Variants in EFNA5 observed in about 807,000 individuals in gnomAD.
The protein encoded by EFNA5 is ephrin A5.
Under a neutral mutation model 22.9 loss-of-function variants are expected in EFNA5, and 5 were observed. The observed-to-expected ratio is 0.22, with a 90% confidence interval of 0.11 to 0.46. EFNA5 has a LOEUF of 0.46. Among genes scored for constraint, EFNA5 ranks in the 20% least tolerant of loss-of-function variants. The pLI is 0.99. For missense variants in EFNA5, 237 were observed against 293.3 expected, an observed-to-expected ratio of 0.81 and a Z score of 1.40; for synonymous variants, 113 against 112.2, an observed-to-expected ratio of 1.01 and a Z score of -0.04.
At chr5:107,569,559 T>TTATTTATATATATA (rs1554067018) in intron 1 of EFNA5, among the ~76,000 whole-genome samples, 2 of 42,530 alleles carry the variant, frequency 4.7e-5, no homozygotes, top group Non-Finnish European at 8.7e-5. Context: ...ATATATATAT[T>TTATTTATATATATA]TATATATATA....
At position 107,453,281 on chromosome 5, in the gene EFNA5, C is replaced by T. The variant is rs568918621; in HGVS notation, c.126-25772G>A. ...AAATCATTGCTTTTTTATTTAAAAA[C>T]TTCCTATAGTTGGTAAAGTCAGACA... On this transcript the variant is annotated intron_variant, in intron 1 of 4. Transcript: ENST00000333274. 1.4e-4 allele frequency among the ~76,000 whole-genome samples: 21 copies of T among 152,090 alleles called. No individual in the cohort carries two copies. The East Asian group carries it at 4.1e-3, about 29-fold the overall frequency.
At chr5:107,554,431 C>T (rs1748364706) in intron 1 of EFNA5, among the ~76,000 whole-genome samples, 1 of 152,150 alleles carries the variant, frequency 6.6e-6, no homozygotes. Flanking sequence ...GCTGGTGATT[C>T]TTCTATGACA....
intron 1 of EFNA5, among the ~76,000 whole-genome samples, chr5:107,478,914 T>C (rs556562553): frequency 6.6e-4 from 100 of 152,136 alleles, no homozygotes; most frequent in Non-Finnish European, 1.1e-3. Context: ...AAACATACAA[T>C]TAAGCACTGC....
At chr5:107,638,097 T>C (rs1049108342) in intron 1 of EFNA5, among the ~76,000 whole-genome samples, 2 of 151,914 alleles carry the variant, frequency 1.3e-5, no homozygotes, top group Admixed American at 6.6e-5. Flanking sequence ...TCATGATCCG[T>C]CCACCTTGGC....
intron 1 of EFNA5, among the ~76,000 whole-genome samples, chr5:107,616,834 A>G (rs901000493): frequency 1.3e-5 from 2 of 152,262 alleles, no homozygotes; most frequent in Non-Finnish European, 1.5e-5. Context: ...CAAAAATCAC[A>G]TTTTTATAAA....
chr5:107,453,657 T>A (rs1308892807), intron 1 of EFNA5, among the ~76,000 whole-genome samples: 1 of 152,168 alleles, frequency 6.6e-6, no homozygotes, highest in Non-Finnish European at 1.5e-5. Context: ...CTTTTGAACA[T>A]TTCTATACCT....
intron 1 of EFNA5, among the ~76,000 whole-genome samples, chr5:107,485,240 C>T (rs915006732): frequency 6.6e-6 from 1 of 152,008 alleles, no homozygotes; most frequent in African/African-American, 2.4e-5. Context: ...GTAGCAGTCC[C>T]AAGGTAGAAA....
At chr5:107,633,299 G>A (rs1244035282) in intron 1 of EFNA5, among the ~76,000 whole-genome samples, 1 of 152,202 alleles carries the variant, frequency 6.6e-6, no homozygotes, top group Non-Finnish European at 1.5e-5. Flanking sequence ...GAGCCAGGAT[G>A]AGACATGCAA....
At chr5:107,597,258 T>C (rs929779627) in intron 1 of EFNA5, among the ~76,000 whole-genome samples, 3 of 152,200 alleles carry the variant, frequency 2.0e-5, no homozygotes, top group South Asian at 2.1e-4. Context: ...TATATCTACA[T>C]ACCATAAGGT....
chr5:107,379,507 T>C lies in EFNA5; in HGVS notation c.*1748A>G, dbSNP rs1237421575. The C allele has an allele frequency of 1.4e-5, 2 of 146,952 alleles. No homozygotes were observed. The highest frequency in any genetic ancestry group is 3.0e-5 in the Non-Finnish European group (2 of 67,480). 9.1% of individuals were successfully genotyped at this position (146,952 alleles called of 1,614,324 possible). ...ACATGATCATCACATTTATTTCTTATATTGAAAGGCATGGTTTCTGTTGAC... is the reference window on the plus strand; with the variant it reads ...ACATGATCATCACATTTATTTCTTACATTGAAAGGCATGGTTTCTGTTGAC... On this transcript the variant is annotated 3_prime_UTR_variant, in exon 5 of 5. Transcript: ENST00000333274.
chr5:107,629,241 T>C (rs2112534769), intron 1 of EFNA5, among the ~76,000 whole-genome samples: 3 of 152,324 alleles, frequency 2.0e-5, no homozygotes, highest in Middle Eastern at 6.8e-3. Context: ...AAATGATTAC[T>C]AAATGATTCT....
intron 1 of EFNA5, among the ~76,000 whole-genome samples, chr5:107,486,889 G>T (rs1274685456): frequency 6.6e-6 from 1 of 152,120 alleles, no homozygotes. Flanking sequence ...GAATTTTAGG[G>T]TCTCCTCAGT....
intron 1 of EFNA5, among the ~76,000 whole-genome samples, chr5:107,631,924 G>T (rs1750262735): frequency 6.6e-6 from 1 of 152,154 alleles, no homozygotes; most frequent in Non-Finnish European, 1.5e-5. Context: ...GTTTAGAAAG[G>T]AAGCAAGTAG....
At chr5:107,483,074 C>T (rs1452054694) in intron 1 of EFNA5, among the ~76,000 whole-genome samples, 4 of 151,996 alleles carry the variant, frequency 2.6e-5, no homozygotes, top group Non-Finnish European at 4.4e-5. Flanking sequence ...CAGCTTGTTC[C>T]TCGTCTTTAA....
At chr5:107,655,487 G>T (rs1328814574) in intron 1 of EFNA5, among the ~76,000 whole-genome samples, 1 of 152,090 alleles carries the variant, frequency 6.6e-6, no homozygotes, top group Non-Finnish European at 1.5e-5. Flanking sequence ...GCTTATGTTA[G>T]ACCCAGTATT....
intron 1 of EFNA5, among the ~76,000 whole-genome samples, chr5:107,584,021 AG>A (rs1298051249): frequency 2.0e-5 from 3 of 152,160 alleles, no homozygotes; most frequent in Non-Finnish European, 2.9e-5. Flanking sequence ...GGATCCACAC[AG>A]GCTCGGCGTC....
At chr5:107,504,350 A>G (rs1254371871) in intron 1 of EFNA5, among the ~76,000 whole-genome samples, 1 of 152,122 alleles carries the variant, frequency 6.6e-6, no homozygotes, top group Non-Finnish European at 1.5e-5. Context: ...AGTAAAGCAA[A>G]ATGTGTCCCT....
chr5:107,465,466 T>C (rs978560010), intron 1 of EFNA5, among the ~76,000 whole-genome samples: 3 of 152,138 alleles, frequency 2.0e-5, no homozygotes, highest in African/African-American at 7.2e-5. Flanking sequence ...TTTCACCGCT[T>C]TACTCCAAAG....
intron 1 of EFNA5, among the ~76,000 whole-genome samples, chr5:107,528,661 T>C (rs950853485): frequency 6.6e-6 from 1 of 152,190 alleles, no homozygotes; most frequent in African/African-American, 2.4e-5. Context: ...AGAATGGTCT[T>C]CCTAAACACA....
Sources: gnomAD v4.1 joint callset for allele counts (sites outside exome capture counted in the v4.1 genomes callset) on GRCh38, gnomAD v4.1.1 for gene constraint, MANE v1.5 for transcripts, NCBI Gene and HGNC (gene_info 2026-07-23, HGNC 2026-07-21) for gene names.